Variants in DPP10 observed in about 807,000 individuals in gnomAD.
The protein encoded by DPP10 is inactive dipeptidyl peptidase 10.
A neutral mutation model predicts 120.9 loss-of-function variants in DPP10; 33 were observed. The ratio of observed to expected loss-of-function variants is 0.27; its 90% CI spans 0.21 to 0.37. DPP10 has a LOEUF of 0.37. DPP10 is among the 10% of genes least tolerant of loss of function. The pLI is 1.00. For missense variants in DPP10, 816 were observed against 942.8 expected, an observed-to-expected ratio of 0.87 and a Z score of 1.76; for synonymous variants, 337 against 326.1, an observed-to-expected ratio of 1.03 and a Z score of -0.36.
At chr2:114,965,860 G>A (rs1698974988) in intron 1 of DPP10, among the ~76,000 whole-genome samples, 1 of 150,250 alleles carries the variant, frequency 6.7e-6, no homozygotes, top group African/African-American at 2.4e-5. Context: ...CAGCTACTCA[G>A]GAGGCTGAGG....
At chr2:115,094,848 TA>T (rs1394747426) in intron 1 of DPP10, among the ~76,000 whole-genome samples, 3 of 152,106 alleles carry the variant, frequency 2.0e-5, no homozygotes, top group Non-Finnish European at 4.4e-5. Flanking sequence ...GGTTTAAAAA[TA>T]AAATTAAGGA....
intron 3 of DPP10, among the ~76,000 whole-genome samples, chr2:115,395,206 G>C (rs2067593119): frequency 6.6e-6 from 1 of 152,168 alleles, no homozygotes; most frequent in South Asian, 2.1e-4. Context: ...TTCTTGGCTT[G>C]CAGACCCCCA....
chr2:114,718,953 T>C (rs999738955), intron 1 of DPP10, among the ~76,000 whole-genome samples: 2 of 152,150 alleles, frequency 1.3e-5, no homozygotes, highest in African/African-American at 4.8e-5. Flanking sequence ...AAAACAAAAT[T>C]AATTCTTGCA....
intron 1 of DPP10, among the ~76,000 whole-genome samples, chr2:115,223,001 A>T (rs1182675255): frequency 6.6e-6 from 1 of 152,166 alleles, no homozygotes; most frequent in Non-Finnish European, 1.5e-5. Context: ...ATGGATTTTG[A>T]CTAATACAAA....
intron 5 of DPP10, among the ~76,000 whole-genome samples, chr2:115,533,869 C>T (rs910176642): frequency 1.1e-4 from 17 of 151,934 alleles, no homozygotes; most frequent in African/African-American, 3.9e-4. Flanking sequence ...TAACCTTCTC[C>T]TTACTACACA....
intron 1 of DPP10, among the ~76,000 whole-genome samples, chr2:115,305,027 G>A (rs911004886): frequency 2.0e-5 from 3 of 152,070 alleles, no homozygotes; most frequent in African/African-American, 7.2e-5. Flanking sequence ...CAATCACAAT[G>A]TTTAATATGA....
intron 1 of DPP10, among the ~76,000 whole-genome samples, chr2:114,528,333 C>G: frequency 6.6e-6 from 1 of 152,152 alleles, no homozygotes; most frequent in Non-Finnish European, 1.5e-5. Flanking sequence ...GCTTGTGACT[C>G]TATGCATAGG....
At chr2:114,738,612 A>G (rs1321863240) in intron 1 of DPP10, among the ~76,000 whole-genome samples, 2 of 152,190 alleles carry the variant, frequency 1.3e-5, no homozygotes, top group African/African-American at 2.4e-5. Flanking sequence ...GCTCAGCTCT[A>G]TGAACTTTGG....
chr2:115,057,344 AT>A (rs1042803099), intron 1 of DPP10, among the ~76,000 whole-genome samples: 9 of 152,140 alleles, frequency 5.9e-5, no homozygotes, highest in Non-Finnish European at 1.0e-4. Flanking sequence ...TGACAAAAAT[AT>A]TTTGGAGTTA....
intron 5 of DPP10, among the ~76,000 whole-genome samples, chr2:115,595,409 A>G (rs2082926404): frequency 2.0e-5 from 3 of 152,078 alleles, no homozygotes; most frequent in Admixed American, 1.3e-4. Flanking sequence ...AACTCATCCA[A>G]TCTCAAACAG....
chr2:115,836,619 A>C, intron 23 of DPP10, 54 bp downstream of exon 23: 1 of 1,608,652 alleles, frequency 6.2e-7, no homozygotes. Context: ...CTAAAAAATT[A>C]GTTAAATGGC....
intron 3 of DPP10, among the ~76,000 whole-genome samples, chr2:115,425,159 G>C (rs2104719004): frequency 1.3e-5 from 2 of 152,228 alleles, no homozygotes; most frequent in South Asian, 4.1e-4. Flanking sequence ...CCCCTAAAAG[G>C]GTTTATTTAA....
At chr2:114,705,239 C>T (rs917844678) in intron 1 of DPP10, among the ~76,000 whole-genome samples, 2 of 152,118 alleles carry the variant, frequency 1.3e-5, no homozygotes, top group African/African-American at 2.4e-5. Flanking sequence ...GGAGAAAATT[C>T]TTATCCTAAT....
At chr2:115,265,970 A>T (rs181294734) in intron 1 of DPP10, among the ~76,000 whole-genome samples, 1 of 152,122 alleles carries the variant, frequency 6.6e-6, no homozygotes, top group Admixed American at 6.6e-5. Flanking sequence ...AATTTAGAAA[A>T]TGAAGAAGCT....
intron 5 of DPP10, among the ~76,000 whole-genome samples, chr2:115,589,895 T>C (rs926282840): frequency 1.3e-5 from 2 of 152,156 alleles, no homozygotes; most frequent in African/African-American, 4.8e-5. Flanking sequence ...TGCATATCGG[T>C]ATCTATACTT....
chr2:114,467,852 A>G (rs1349264299), intron 1 of DPP10, among the ~76,000 whole-genome samples: 1 of 151,836 alleles, frequency 6.6e-6, no homozygotes, highest in Non-Finnish European at 1.5e-5. Context: ...AAACAAAACA[A>G]AACACCACAA....
intron 3 of DPP10, among the ~76,000 whole-genome samples, chr2:115,418,629 G>A (rs2069648810): frequency 6.6e-6 from 1 of 151,368 alleles, no homozygotes; most frequent in African/African-American, 2.4e-5. Flanking sequence ...TTAATTAGCT[G>A]GGCATGGTGG....
intron 1 of DPP10, among the ~76,000 whole-genome samples, chr2:114,485,319 A>G (rs547214521): frequency 9.2e-5 from 14 of 152,274 alleles, no homozygotes; most frequent in African/African-American, 2.9e-4. Flanking sequence ...TGGGTTTTGT[A>G]AGGTGGGGAC....
intron 1 of DPP10, among the ~76,000 whole-genome samples, chr2:115,272,652 A>C (rs1250356872): frequency 6.6e-6 from 1 of 152,236 alleles, no homozygotes; most frequent in East Asian, 1.9e-4. Context: ...AAATATCAAC[A>C]GTTCAAATAT....
Sources: gnomAD v4.1 joint callset for allele counts (sites outside exome capture counted in the v4.1 genomes callset) on GRCh38, gnomAD v4.1.1 for gene constraint, MANE v1.5 for transcripts, NCBI Gene and HGNC (gene_info 2026-07-23, HGNC 2026-07-21) for gene names.